Variants in TIMM23 observed in about 807,000 individuals in gnomAD.
TIMM23 encodes translocase of inner mitochondrial membrane 23.
A neutral mutation model predicts 30.7 loss-of-function variants in TIMM23; 19 were observed. That is an observed-to-expected ratio of 0.62 (90% CI 0.43 to 0.91). The LOEUF (loss-of-function observed/expected upper bound fraction) is 0.91. TIMM23 is among the 40% of genes least tolerant of loss of function. The pLI is 0.00. For synonymous variants in TIMM23, 78 were observed against 98.5 expected (o/e 0.79, Z 1.23); for missense variants, 202 against 269.2 (o/e 0.75, Z 1.75).
At chr10:45,985,907 C>T (rs1333212675) in intron 5 of TIMM23, among the ~76,000 whole-genome samples, 1 of 152,152 alleles carries the variant, frequency 6.6e-6, no homozygotes, top group Non-Finnish European at 1.5e-5. Flanking sequence ...GAATAGGTTC[C>T]TTGTAGATAA....
Position 45,994,291 on chromosome 10 carries a change from A to T in TIMM23, c.514+5444A>T, listed in dbSNP as rs1295914893. The stretch of plus-strand genomic sequence containing the variant: ...GAGATGGTGGTTGCCATGAGGCAAG[A>T]TTGCGCCACTGCACTCCAGCCTGGG... On this transcript the variant is annotated intron_variant, in intron 6 of 6. Transcript: ENST00000580018. Among the ~76,000 whole-genome samples the T allele has an allele frequency of 5.9e-5, 9 of 151,916 alleles. No individual in the cohort carries two copies. In the East Asian group the frequency reaches 1.8e-3, roughly 30 times the overall value.
At position 45,996,441 on chromosome 10, in the gene TIMM23, A is replaced by T. The variant is rs74677911; in HGVS notation, c.515-6762A>T. Among the ~76,000 whole-genome samples, 922 of 150,134 alleles carry T rather than the reference A, an allele frequency of 6.1e-3. 94 individuals are homozygous for T. The highest frequency in any genetic ancestry group is 0.02 in the African/African-American group (774 of 39,468). ...TTTTGAAAAAGGTCCGCCTAATACC[A>T]TGCTCATCTATAAAATTGGGGTATG... On this transcript the variant is annotated intron_variant, in intron 6 of 6. Transcript: ENST00000580018.
At chr10:45,997,957 T>A (rs1398550760) in intron 6 of TIMM23, among the ~76,000 whole-genome samples, 1 of 152,182 alleles carries the variant, frequency 6.6e-6, no homozygotes, top group African/African-American at 2.4e-5. Context: ...AAAGTTTTTT[T>A]AAAATTTTAA....
rs370913498 is a variant in TIMM23, at chr10:45,975,455, A to G, written c.108A>G (p.Leu36=). Residue 36 remains leucine (L), a splice_region_variant and synonymous_variant, in exon 2 of 7, where the codon CTA becomes CTG. Transcript: ENST00000580018. ...TGTGACATTTTGTTTTCTCTCTAGTAACTGGTATGAACCCTCTGTCTCCTT... is the reference window on the plus strand; with the variant it reads ...TGTGACATTTTGTTTTCTCTCTAGTGACTGGTATGAACCCTCTGTCTCCTT... ...YSHADLAGVP[L]TGMNPLSPYL... 769 of 1,613,888 alleles carry G rather than the reference A, an allele frequency of 4.8e-4. 5 individuals carry two copies. The African/African-American group carries it at 8.8e-3, about 18-fold the overall frequency.
Position 45,975,068 on chromosome 10 carries a change from C to G in TIMM23, c.107-386C>G, listed in dbSNP as rs1388571381. On this transcript the variant is annotated intron_variant, in intron 1 of 6. Coordinates refer to ENST00000580018, the MANE Select transcript of TIMM23 (RefSeq NM_006327.4). Reference sequence around the variant, plus strand: ...AAAACCCAACCCAACCACTGTTTTTCCCATGGAATTGATTAGTCTTTTTTC... The same window carrying G: ...AAAACCCAACCCAACCACTGTTTTTGCCATGGAATTGATTAGTCTTTTTTC... Among the ~76,000 whole-genome samples, 5 of 152,130 alleles carry G rather than the reference C, an allele frequency of 3.3e-5. No homozygotes were observed. In the East Asian group the frequency reaches 9.6e-4, roughly 29 times the overall value.
chr10:45,975,292 C>G (rs1590108599), intron 1 of TIMM23, among the ~76,000 whole-genome samples, 162 bp from the exon 2 acceptor site: 1 of 152,066 alleles, frequency 6.6e-6, no homozygotes, highest in African/African-American at 2.4e-5. Context: ...GATGAGTCAG[C>G]CCCCAAACTG....
At chr10:46,001,490 G>C (rs1838534876) in intron 6 of TIMM23, among the ~76,000 whole-genome samples, 1 of 152,194 alleles carries the variant, frequency 6.6e-6, no homozygotes, top group Admixed American at 6.5e-5. Context: ...GAGATTCCTG[G>C]AGGGGGAGTG....
chr10:45,978,148 T>C (rs1292272502), intron 2 of TIMM23, among the ~76,000 whole-genome samples: 1 of 152,184 alleles, frequency 6.6e-6, no homozygotes, highest in East Asian at 1.9e-4. Context: ...GCCCAGGAGT[T>C]TGAGACCTGC....
intron 2 of TIMM23, among the ~76,000 whole-genome samples, chr10:45,976,525 C>T (rs587613985): frequency 1.0e-3 from 155 of 151,864 alleles, no homozygotes; most frequent in Non-Finnish European, 1.7e-3. Context: ...GCACGAGAAT[C>T]GCTTGAACCC....
At chr10:45,994,684 C>T (rs1179967275) in intron 6 of TIMM23, among the ~76,000 whole-genome samples, 6 of 139,304 alleles carry the variant, frequency 4.3e-5, no homozygotes, top group African/African-American at 1.6e-4. Context: ...TCAAGCGATC[C>T]ACCCTGCCTT....
chr10:45,988,850 G>A lies in TIMM23; in HGVS notation c.514+3G>A, dbSNP rs1590121721. 7 of 1,610,558 alleles carry A rather than the reference G, an allele frequency of 4.3e-6. No homozygotes were observed. Among genetic ancestry groups the A allele is most frequent in the East Asian group, 2.2e-5 (1 of 44,792 alleles). ...AGGCATGTTGTATAAATGTACAGGT[G>A]AGTACTGTTGAATGGGGAGCCATCT... is the stretch of plus-strand genomic sequence containing the variant. On this transcript the variant is annotated splice_donor_region_variant and intron_variant, in intron 6 of 6. Transcript: ENST00000580018.
At chr10:46,002,863 G>A (rs1442326222) in intron 6 of TIMM23, among the ~76,000 whole-genome samples, 4 of 116,576 alleles carry the variant, frequency 3.4e-5, no homozygotes, top group African/African-American at 6.8e-5. Context: ...TCATCCTGTC[G>A]CCCAGGCTGG....
At chr10:45,991,947 C>T (rs1838175940) in intron 6 of TIMM23, among the ~76,000 whole-genome samples, 1 of 151,750 alleles carries the variant, frequency 6.6e-6, no homozygotes, top group African/African-American at 2.4e-5. Context: ...CCAGGCAAGA[C>T]TAAACTCACT....
intron 2 of TIMM23, among the ~76,000 whole-genome samples, chr10:45,979,611 T>G (rs1837784588): frequency 6.9e-6 from 1 of 144,394 alleles, no homozygotes; most frequent in Admixed American, 7.0e-5. Flanking sequence ...CTGGCCTTTT[T>G]TTTTTTTTTT....
intron 6 of TIMM23, among the ~76,000 whole-genome samples, chr10:46,000,778 G>A (rs1233633380): frequency 6.6e-6 from 1 of 152,180 alleles, no homozygotes; most frequent in Non-Finnish European, 1.5e-5. Flanking sequence ...AGGTTCAGGG[G>A]AGTTAATCTG....
chr10:46,003,212 G>A lies in TIMM23; in HGVS notation c.524G>A (p.Arg175Gln), dbSNP rs143548689. The change falls in exon 7 of 7, where the codon CGA (arginine) becomes CAA (glutamine). Residue 175 changes from arginine (R) to glutamine (Q), a missense_variant. Arg to Gln is a conservative substitution (Grantham distance 43, BLOSUM62 1). Transcript: ENST00000580018. ...GMLYKCTGGL[R>Q]GIARGGLTGL... ...TGTCTCTGTTTCCCAGGTGGTCTTC[G>A]AGGGATAGCACGAGGTGGTCTGACA... 5.3e-5 allele frequency: 86 copies of A among 1,613,792 alleles called. No homozygotes were observed. The African/African-American group carries it at 8.4e-4, about 16-fold the overall frequency.
chr10:45,990,329 G>A (rs587754371), intron 6 of TIMM23, among the ~76,000 whole-genome samples: 1 of 151,830 alleles, frequency 6.6e-6, no homozygotes, highest in Non-Finnish European at 1.5e-5. Flanking sequence ...CACCATATTG[G>A]TCAGGCTGGT....
In TIMM23 at chr10:45,990,849, G is replaced by A. The variant is rs2813153; in HGVS notation, c.514+2002G>A. ...AGGAAAGCTGTGTTAACTCCGCTAA[G>A]AATTGTACAAAATACGCTTAAAGTA... is the stretch of plus-strand genomic sequence containing the variant. On this transcript the variant is annotated intron_variant, in intron 6 of 6. Coordinates refer to ENST00000580018, the MANE Select transcript of TIMM23 (RefSeq NM_006327.4). The A allele has an allele frequency of 3.1e-3, 1,130 of 367,536 alleles. 2 individuals carry two copies. Among genetic ancestry groups the A allele is most frequent in the African/African-American group, 1.0e-2 (462 of 46,340 alleles). 22.8% of individuals were successfully genotyped at this position (367,536 alleles called of 1,614,324 possible). A position where few individuals can be genotyped will look rare whatever the true frequency, so the allele number is the denominator to read the frequency against.
At chr10:46,003,109 A>C in intron 6 of TIMM23, 94 bp from the exon 7 acceptor site, 1 of 1,012,606 alleles carries the variant, frequency 9.9e-7, no homozygotes, top group South Asian at 1.4e-5. Context: ...CACCGTGCCC[A>C]GCCCATTTCA....
Sources: gnomAD v4.1 joint callset for allele counts (sites outside exome capture counted in the v4.1 genomes callset) on GRCh38, gnomAD v4.1.1 for gene constraint, MANE v1.5 for transcripts, NCBI Gene and HGNC (gene_info 2026-07-23, HGNC 2026-07-21) for gene names.